ATP2C2: variants seen among roughly 807,000 people sequenced by gnomAD.
ATP2C2 encodes the protein calcium-transporting ATPase type 2C member 2.
A neutral mutation model predicts 110.8 loss-of-function variants in ATP2C2; 171 were observed. The observed-to-expected ratio is 1.54, with a 90% CI of 1.36 to 1.75. ATP2C2 has a LOEUF of 1.75. ATP2C2 is among the 40% of genes most tolerant of loss of function. The probability of loss-of-function intolerance (pLI) is 0.00; values close to 1 mark genes in which losing one functional copy is unlikely to be tolerated. For missense variants in ATP2C2, 1,963 were observed against 1,235.0 expected (o/e 1.59, Z -8.84); for synonymous variants, 804 against 508.4 (o/e 1.58, Z -7.82).
intron 1 of ATP2C2, among the ~76,000 whole-genome samples, chr16:84,397,180 A>C (rs139904994): frequency 1.3e-5 from 2 of 151,852 alleles, no homozygotes; most frequent in East Asian, 3.9e-4. Flanking sequence ...TGTATTAGCA[A>C]AGCCTCCCGA....
Position 84,439,469 on chromosome 16 carries a change from C to G in ATP2C2, c.1154C>G (p.Thr385Ser), listed in dbSNP as rs1238881218. Residue 385 changes from threonine (T) to serine (S), a missense_variant, in exon 13 of 27, where the codon ACT (threonine) becomes AGT (serine). Physicochemically the swap from Thr to Ser is moderately conservative, Grantham distance 58. Transcript: ENST00000262429. ...TGTTCTGACAAGACGGGGACTCTGACTGCCAATGAAATGACAGTGACCCAG... is the reference window on the plus strand; with the variant it reads ...TGTTCTGACAAGACGGGGACTCTGAGTGCCAATGAAATGACAGTGACCCAG... ...VLCSDKTGTL[T>S]ANEMTVTQLV... 2 of 1,614,046 alleles carry G rather than the reference C, an allele frequency of 1.2e-6. No homozygotes were observed. The highest frequency in any genetic ancestry group is 1.3e-5 in the African/African-American group (1 of 74,902).
intron 16 of ATP2C2, among the ~76,000 whole-genome samples, chr16:84,446,963 A>G (rs1237959060): frequency 6.6e-6 from 1 of 152,172 alleles, no homozygotes; most frequent in Non-Finnish European, 1.5e-5. Flanking sequence ...TGTGTGGTGC[A>G]TCAGCGTGTG....
Position 84,463,915 on chromosome 16 carries a change from C to T in ATP2C2, c.*183C>T. ...TCCAGGGACCCAGGCCCACATCCAT[C>T]CAGCGTTCCCGCTGGCTGTGGGACA... is the stretch of plus-strand genomic sequence containing the variant. On this transcript the variant is annotated 3_prime_UTR_variant, in exon 27 of 27. Coordinates refer to ENST00000262429, the MANE Select transcript of ATP2C2 (RefSeq NM_014861.4). 1.7e-6 allele frequency: 1 copy of T among 594,574 alleles called. No individual in the cohort carries two copies. Among genetic ancestry groups the T allele is most frequent in the Non-Finnish European group, 3.0e-6 (1 of 334,510 alleles). 36.8% of individuals were successfully genotyped at this position (594,574 alleles called of 1,614,324 possible). A position where few individuals can be genotyped will look rare whatever the true frequency, so the allele number is the denominator to read the frequency against.
intron 11 of ATP2C2, among the ~76,000 whole-genome samples, chr16:84,431,695 G>T (rs1184497669): frequency 6.6e-6 from 1 of 152,096 alleles, no homozygotes; most frequent in East Asian, 1.9e-4. Context: ...AGCAGAATGA[G>T]ATGATGGAGT....
At chr16:84,373,287 G>A (rs1910064267) in intron 1 of ATP2C2, among the ~76,000 whole-genome samples, 1 of 152,150 alleles carries the variant, frequency 6.6e-6, no homozygotes, top group African/African-American at 2.4e-5. Context: ...ATCACCTGAG[G>A]TTACGAGTTC....
chr16:84,410,815 A>C, intron 6 of ATP2C2, 50 bp downstream of exon 6: 1 of 1,558,538 alleles, frequency 6.4e-7, no homozygotes, highest in Non-Finnish European at 8.8e-7. Context: ...GGAGCCAGGG[A>C]GCTGGAGAGT....
chr16:84,443,969 C>G (rs940005860), intron 15 of ATP2C2, among the ~76,000 whole-genome samples: 8 of 152,110 alleles, frequency 5.3e-5, no homozygotes, highest in Non-Finnish European at 8.8e-5. Context: ...GAGTTTGAGA[C>G]CAGCCTGGGC....
At chr16:84,428,602 G>T (rs1907992898) in intron 11 of ATP2C2, among the ~76,000 whole-genome samples, 1 of 152,178 alleles carries the variant, frequency 6.6e-6, no homozygotes, top group African/African-American at 2.4e-5. Flanking sequence ...TGGGCACACA[G>T]ATGTGATAAA....
In ATP2C2 at chr16:84,439,464, T is replaced by C; in HGVS notation, c.1149T>C (p.Thr383=). 1 of 1,614,160 alleles carries C rather than the reference T, an allele frequency of 6.2e-7. No homozygotes were observed. The highest frequency in any genetic ancestry group is 8.5e-7 in the Non-Finnish European group (1 of 1,180,036). ...TTCTCTGTTCTGACAAGACGGGGACTCTGACTGCCAATGAAATGACAGTGA... is the reference window on the plus strand; with the variant it reads ...TTCTCTGTTCTGACAAGACGGGGACCCTGACTGCCAATGAAATGACAGTGA... The part of the protein sequence containing the change: ...CSVLCSDKTG[T]LTANEMTVTQ... The change falls in exon 13 of 27, where the codon ACT becomes ACC. Residue 383 remains threonine, a synonymous_variant. Transcript: ENST00000262429.
intron 9 of ATP2C2, 69 bp downstream of exon 9, chr16:84,422,766 C>T: frequency 1.4e-6 from 2 of 1,449,302 alleles, no homozygotes; most frequent in South Asian, 1.3e-5. Flanking sequence ...GCAAATAATA[C>T]CAGCCTTGCC....
chr16:84,393,057 T>C (rs1471135923), intron 1 of ATP2C2, among the ~76,000 whole-genome samples: 1 of 152,174 alleles, frequency 6.6e-6, no homozygotes, highest in African/African-American at 2.4e-5. Context: ...TTCTGGGTCA[T>C]GGCAATGTCC....
At chr16:84,373,248 C>G (rs1290958413) in intron 1 of ATP2C2, among the ~76,000 whole-genome samples, 1 of 152,148 alleles carries the variant, frequency 6.6e-6, no homozygotes, top group East Asian at 1.9e-4. Flanking sequence ...GCCTGTAATC[C>G]CAGCACTTTG....
intron 1 of ATP2C2, among the ~76,000 whole-genome samples, chr16:84,371,369 G>A (rs1597721583): frequency 6.6e-6 from 1 of 152,076 alleles, no homozygotes. Context: ...ATTAGGCGTG[G>A]TGGTGTGCAC....
At chr16:84,438,965 C>T (rs766234432) in intron 11 of ATP2C2, 16 of 600,060 alleles carry the variant, frequency 2.7e-5, no homozygotes, top group Middle Eastern at 4.7e-4. Context: ...TTCCCAAGAG[C>T]GGGGTCTGCA....
chr16:84,436,659 C>G (rs983091225), intron 11 of ATP2C2, among the ~76,000 whole-genome samples: 14 of 152,190 alleles, frequency 9.2e-5, no homozygotes, highest in Admixed American at 7.8e-4. Context: ...CATCTTCCCC[C>G]CTCCTCAGCC....
In ATP2C2 at chr16:84,398,388, A is replaced by C. The variant is rs545950414; in HGVS notation, c.100-111A>C. On this transcript the variant is annotated intron_variant, in intron 1 of 26. Coordinates refer to ENST00000262429, the MANE Select transcript of ATP2C2 (RefSeq NM_014861.4). The stretch of plus-strand genomic sequence containing the variant: ...GACACTGCACTCCAGCCTGGGTGAC[A>C]GAGTGAGACTCCATCTCAAAAAAAT... The C allele has an allele frequency of 1.3e-5, 7 of 522,830 alleles. No homozygotes were observed. The Admixed American group carries it at 1.6e-4, about 12-fold the overall frequency. 32.4% of individuals were successfully genotyped at this position (522,830 alleles called of 1,614,324 possible).
At chr16:84,405,555 A>T (rs1345963113) in intron 3 of ATP2C2, among the ~76,000 whole-genome samples, 2 of 152,156 alleles carry the variant, frequency 1.3e-5, no homozygotes, top group Non-Finnish European at 2.9e-5. Flanking sequence ...GAGGAAGGAG[A>T]AGTGCAGAGG....
At chr16:84,406,943 G>T (rs963798293) in intron 3 of ATP2C2, among the ~76,000 whole-genome samples, 1 of 151,974 alleles carries the variant, frequency 6.6e-6, no homozygotes, top group Admixed American at 6.6e-5. Context: ...CTCCAGCCAG[G>T]GTGTTCCCCA....
chr16:84,430,360 G>A (rs77038635), intron 11 of ATP2C2, among the ~76,000 whole-genome samples: 6,240 of 152,278 alleles, frequency 0.041, 137 homozygotes, highest in Middle Eastern at 0.075. Flanking sequence ...TCAGTTCTGG[G>A]CCGGGTGCGG....
Sources: allele counts gnomAD v4.1 joint callset (sites outside exome capture counted in the v4.1 genomes callset), GRCh38; gene constraint gnomAD v4.1.1; transcripts MANE v1.5; gene names NCBI Gene and HGNC (gene_info 2026-07-23, HGNC 2026-07-21).